MYH14: variants seen among roughly 807,000 people sequenced by gnomAD.
The protein encoded by MYH14 is myosin-14.
A neutral mutation model predicts 255.5 loss-of-function variants in MYH14; 123 were observed. The observed-to-expected ratio is 0.48, with a 90% CI of 0.42 to 0.56. The LOEUF (loss-of-function observed/expected upper bound fraction) is 0.56, where lower values mean the gene tolerates loss of function less well. Ranked by LOEUF, MYH14 falls within the 20% of genes least tolerant of loss-of-function variation. The pLI is 0.00. For missense variants in MYH14, 2,423 were observed against 2,802.3 expected, an observed-to-expected ratio of 0.86 and a Z score of 3.06; for synonymous variants, 1,095 against 1,161.2, an observed-to-expected ratio of 0.94 and a Z score of 1.16.
chr19:50,260,805 G>A, intron 20 of MYH14, 90 bp downstream of exon 20: 1 of 983,728 alleles, frequency 1.0e-6, no homozygotes, highest in South Asian at 1.4e-5. Flanking sequence ...GCATATGTGT[G>A]CATGCGTGTG....
At chr19:50,258,738 A>AAAAAAC (rs2034695702) in intron 18 of MYH14, 1 of 154,076 alleles carries the variant, frequency 6.5e-6, no homozygotes, top group Non-Finnish European at 1.4e-5. Flanking sequence ...AAAAAAAAAA[A>AAAAAAC]AAAAAACGAA....
chr19:50,226,873 C>T lies in MYH14; in HGVS notation c.811-30C>T, dbSNP rs781487184. The T allele has an allele frequency of 3.7e-5, 59 of 1,612,086 alleles. No individual in the cohort carries two copies. In the Admixed American group the frequency reaches 9.7e-4, roughly 26 times the overall value. The stretch of plus-strand genomic sequence containing the variant: ...TGTGAGTGGGGAAGGGGACCCTCTG[C>T]TGAAGCCCACCCACTTTGGTCTCTC... On this transcript the variant is annotated intron_variant, in intron 7 of 42. Coordinates refer to ENST00000642316, the MANE Select transcript of MYH14 (RefSeq NM_001145809.2).
At chr19:50,283,920 A>G (rs185172614) in intron 33 of MYH14, among the ~76,000 whole-genome samples, 79 of 152,222 alleles carry the variant, frequency 5.2e-4, no homozygotes, top group Middle Eastern at 3.4e-3. Context: ...TAAAAATACA[A>G]AATTAGGTAG....
In MYH14 at chr19:50,221,528, G is replaced by A. The variant is rs1470803374; in HGVS notation, c.563-1555G>A. ...CCTCACTCTTGTCACCCAGGCTGGA[G>A]TGCAATGGCACGATCTTGGCTCACT... On this transcript the variant is annotated intron_variant, in intron 3 of 42. Transcript: ENST00000642316. The surrounding 1 kb of genome is among the most constrained non-coding windows in gnomAD (Gnocchi z 5.3). Among the ~76,000 whole-genome samples, 1 of 152,138 alleles carries A rather than the reference G, an allele frequency of 6.6e-6. No homozygotes were observed. The highest frequency in any genetic ancestry group is 2.4e-5 in the African/African-American group (1 of 41,440).
At chr19:50,287,477 A>G (rs1389163374) in intron 34 of MYH14, among the ~76,000 whole-genome samples, 3 of 152,038 alleles carry the variant, frequency 2.0e-5, no homozygotes, top group African/African-American at 7.3e-5. Flanking sequence ...CAGTGGTGCA[A>G]TCATGGCACA....
intron 10 of MYH14, among the ~76,000 whole-genome samples, chr19:50,232,933 G>C (rs1206628255): frequency 6.6e-6 from 1 of 152,058 alleles, no homozygotes; most frequent in Non-Finnish European, 1.5e-5. Flanking sequence ...GCTGTGGGAG[G>C]GCTGGGAGCA....
rs549322167 is a variant in MYH14 at position 50,280,060 on chromosome 19, G to A, written c.4056G>A (p.Gly1352=). Reference sequence around the variant, plus strand: ...AGGCTGAACTGGAGAATGTGTCTGGGGCGCTGAACGAGGCTGAGTCCAAAA... The same window carrying A: ...AGGCTGAACTGGAGAATGTGTCTGGAGCGCTGAACGAGGCTGAGTCCAAAA... ...RAQAELENVS[G]ALNEAESKTI... Residue 1352 remains glycine (G), a synonymous_variant, in exon 31 of 43, where the codon GGG becomes GGA. Transcript: ENST00000642316. The surrounding 1 kb of genome is among the most constrained non-coding windows in gnomAD (Gnocchi z 4.8). 27 of 1,610,234 alleles carry A rather than the reference G, an allele frequency of 1.7e-5. 1 individual carries two copies. In the South Asian group the frequency reaches 2.4e-4, roughly 15 times the overall value.
At chr19:50,306,068 T>A (rs1280157478) in intron 40 of MYH14, among the ~76,000 whole-genome samples, 1 of 152,066 alleles carries the variant, frequency 6.6e-6, no homozygotes, top group African/African-American at 2.4e-5. Context: ...CATCTGAGGT[T>A]GGGAGTTCGA....
intron 1 of MYH14, among the ~76,000 whole-genome samples, chr19:50,205,146 T>A (rs532519113): frequency 6.6e-6 from 1 of 152,290 alleles, no homozygotes; most frequent in Admixed American, 6.5e-5. Flanking sequence ...GCTGGGGAAC[T>A]TTCTGAACGT....
Position 50,249,152 on chromosome 19 carries a change from G to T in MYH14, c.1482+13G>T. 5 of 1,560,428 alleles carry T rather than the reference G, an allele frequency of 3.2e-6. No homozygotes were observed. Among genetic ancestry groups the T allele is most frequent in the Non-Finnish European group, 4.3e-6 (5 of 1,150,996 alleles). On this transcript the variant is annotated intron_variant, in intron 13 of 42. Coordinates refer to ENST00000642316, the MANE Select transcript of MYH14 (RefSeq NM_001145809.2). Reference sequence around the variant, plus strand: ...TGAGATCTTCCAGGTCCACCCTTGTGCTGGGAGGGGGATGCCAACTTCCTC... The same window carrying T: ...TGAGATCTTCCAGGTCCACCCTTGTTCTGGGAGGGGGATGCCAACTTCCTC...
chr19:50,294,996 A>T (rs959287727), intron 39 of MYH14, among the ~76,000 whole-genome samples: 1 of 149,390 alleles, frequency 6.7e-6, no homozygotes, highest in Non-Finnish European at 1.5e-5. Context: ...GTCCTAGAGA[A>T]GAGATTAAGT....
At chr19:50,212,775 T>C (rs1249058625) in intron 2 of MYH14, among the ~76,000 whole-genome samples, 1 of 152,114 alleles carries the variant, frequency 6.6e-6, no homozygotes, top group East Asian at 1.9e-4. Flanking sequence ...TCGAGGGCTG[T>C]CGGACCCTGC....
In MYH14 at chr19:50,230,812, G is replaced by A. The variant is rs931612595; in HGVS notation, c.973+189G>A. ...TCTGTCGCACGGTGGGTTCTGCTGC[G>A]CTCTGGTTCCAGCTCTGTCCCGGGT... On this transcript the variant is annotated intron_variant, in intron 9 of 42. Transcript: ENST00000642316. This position sits in a 1 kb window ranked among gnomAD's most constrained non-coding sequence, Gnocchi z 4.7. 1.3e-5 allele frequency: 8 copies of A among 593,638 alleles called. No homozygotes were observed. The highest frequency in any genetic ancestry group is 1.3e-4 in the African/African-American group (7 of 53,662). The allele number at this position is 593,638 out of a possible 1,614,324, so 36.8% of individuals were successfully genotyped here. A position where few individuals can be genotyped will look rare whatever the true frequency, so the allele number is the denominator to read the frequency against.
chr19:50,262,727 AAGG>A (rs1490490171), intron 21 of MYH14, among the ~76,000 whole-genome samples: 16 of 151,796 alleles, frequency 1.1e-4, no homozygotes, highest in Admixed American at 1.1e-3. Flanking sequence ...GAGGCTGGAG[AAGG>A]AGGCCAGGCA....
chr19:50,215,289 G>A (rs1200426768), intron 2 of MYH14, among the ~76,000 whole-genome samples: 1 of 152,208 alleles, frequency 6.6e-6, no homozygotes, highest in African/African-American at 2.4e-5. Context: ...GCAGCCATGA[G>A]ATACCCTCCC....
chr19:50,249,365 G>A (rs2034266625), intron 13 of MYH14: 2 of 619,220 alleles, frequency 3.2e-6, no homozygotes, highest in Admixed American at 3.2e-5. Context: ...CTGTCTCTGG[G>A]TCTCTGTCCC....
chr19:50,219,130 G>GTA (rs1200069118), intron 3 of MYH14, among the ~76,000 whole-genome samples: 1 of 143,360 alleles, frequency 7.0e-6, no homozygotes, highest in Non-Finnish European at 1.6e-5. Flanking sequence ...GTGTGTGTGT[G>GTA]TATACACACC....
At chr19:50,223,438 T>G (rs925392534) in intron 5 of MYH14, 89 bp downstream of exon 5, 3 of 932,984 alleles carry the variant, frequency 3.2e-6, no homozygotes, top group Non-Finnish European at 5.1e-6. Flanking sequence ...TCTCTTCCCC[T>G]CATGGAGGTC....
chr19:50,284,470 G>A (rs765860875), intron 33 of MYH14, among the ~76,000 whole-genome samples: 3 of 151,796 alleles, frequency 2.0e-5, no homozygotes, highest in South Asian at 2.1e-4. Flanking sequence ...GGGGTCAAGC[G>A]ATTCCTCCTG....
Sources: allele counts gnomAD v4.1 joint callset (sites outside exome capture counted in the v4.1 genomes callset), GRCh38; gene constraint gnomAD v4.1.1; non-coding constraint Gnocchi (gnomAD v3.1); transcripts MANE v1.5; gene names NCBI Gene and HGNC (gene_info 2026-07-23, HGNC 2026-07-21).